The following HPS4 variants were observed in gnomAD, a reference collection of about 807,000 sequenced individuals.
The protein encoded by HPS4 is BLOC-3 complex member HPS4.
Under a neutral mutation model 70.3 loss-of-function variants are expected in HPS4, and 44 were observed. That is an observed-to-expected ratio of 0.63 (90% CI 0.49 to 0.80). The LOEUF (loss-of-function observed/expected upper bound fraction) is 0.80. HPS4 is among the 30% of genes least tolerant of loss of function. HPS4 has a pLI of 0.00. For synonymous variants in HPS4, 377 were observed against 355.9 expected, an observed-to-expected ratio of 1.06 and a Z score of -0.67; for missense variants, 873 against 884.4, an observed-to-expected ratio of 0.99 and a Z score of 0.16.
Position 26,468,193 on chromosome 22 carries a change from G to A in HPS4, c.669+358C>T, listed in dbSNP as rs767463633. 91 of 265,226 alleles carry A rather than the reference G, an allele frequency of 3.4e-4. 1 individual carries two copies. Among genetic ancestry groups the A allele is most frequent in the Non-Finnish European group, 4.6e-4 (65 of 141,048 alleles). 16.4% of individuals were successfully genotyped at this position (265,226 alleles called of 1,614,324 possible). A position where few individuals can be genotyped will look rare whatever the true frequency, so the allele number is the denominator to read the frequency against. On this transcript the variant is annotated intron_variant, in intron 8 of 13. Coordinates refer to ENST00000398145, the MANE Select transcript of HPS4 (RefSeq NM_022081.6). ...GCTGGGATTACAGGTGTGAACCACC[G>A]TGCCCAACCCCCTAAATCTTTCTAA...
At chr22:26,479,526 C>T in intron 2 of HPS4, 171 bp from the exon 3 acceptor site, 1 of 1,430,708 alleles carries the variant, frequency 7.0e-7, no homozygotes, top group East Asian at 2.5e-5. Context: ...TAAAACCATT[C>T]TGTAAGCGCA....
chr22:26,479,048 C>T (rs1041624149), intron 3 of HPS4, among the ~76,000 whole-genome samples: 3 of 152,168 alleles, frequency 2.0e-5, no homozygotes, highest in Non-Finnish European at 4.4e-5. Context: ...AGACAAAAAT[C>T]ATGATGGAAA....
rs550753111 is a variant in HPS4, at chr22:26,453,036, C to A, written c.*197G>T. 2.6e-5 allele frequency: 16 copies of A among 611,674 alleles called. No individual in the cohort carries two copies. The Middle Eastern group carries it at 1.3e-3, about 51-fold the overall frequency. 37.9% of individuals were successfully genotyped at this position (611,674 alleles called of 1,614,324 possible). A position where few individuals can be genotyped will look rare whatever the true frequency, so the allele number is the denominator to read the frequency against. ...CAGTTCTTTATCAAGTGCTCTGGGT[C>A]TGCCGACCTGAAGAACTAACCCCTG... is the stretch of plus-strand genomic sequence containing the variant. On this transcript the variant is annotated 3_prime_UTR_variant, in exon 14 of 14. Transcript: ENST00000398145.
At chr22:26,458,326 C>T (rs548215677) in intron 12 of HPS4, 119 bp downstream of exon 12, 29 of 1,291,006 alleles carry the variant, frequency 2.2e-5, no homozygotes, top group South Asian at 1.4e-4. Flanking sequence ...GAGCCCTGAA[C>T]GCAGGTCAGA....
Position 26,481,913 on chromosome 22 carries a change from T to G in HPS4, c.-151A>C. ...TTTTCAGTCACAACTGCCACTTGGT[T>G]AGTTTTCACTCAGCATGGAAAGTTC... On this transcript the variant is annotated 5_prime_UTR_variant, in exon 2 of 14. It removes the in-frame stop codon of an upstream open reading frame in the 5' UTR. Coordinates refer to ENST00000398145, the MANE Select transcript of HPS4 (RefSeq NM_022081.6). 1 of 748,360 alleles carries G rather than the reference T, an allele frequency of 1.3e-6. No homozygotes were observed. The highest frequency in any genetic ancestry group is 1.5e-5 in the South Asian group (1 of 68,384). 46.4% of individuals were successfully genotyped at this position (748,360 alleles called of 1,614,324 possible). A position where few individuals can be genotyped will look rare whatever the true frequency, so the allele number is the denominator to read the frequency against.
chr22:26,447,760 C>T (rs982946189), downstream of HPS4, among the ~76,000 whole-genome samples: 1 of 152,052 alleles, frequency 6.6e-6, no homozygotes, highest in Non-Finnish European at 1.5e-5. Flanking sequence ...CAGATTGCAG[C>T]ATTAGGAGGC....
intron 6 of HPS4, chr22:26,471,068 T>C (rs1440215475): frequency 1.3e-5 from 8 of 614,260 alleles, no homozygotes; most frequent in Non-Finnish European, 2.3e-5. Context: ...GTGCAGCAAA[T>C]ATGGCATATG....
intron 4 of HPS4, 27 bp downstream of exon 4, chr22:26,476,966 C>T: frequency 1.2e-6 from 2 of 1,612,168 alleles, no homozygotes; most frequent in Non-Finnish European, 1.7e-6. Context: ...TGCAACACTT[C>T]AGCACTGATT....
chr22:26,458,543 T>C lies in HPS4; in HGVS notation c.1748A>G (p.Glu583Gly). The C allele has an allele frequency of 6.2e-7, 1 of 1,614,168 alleles. No homozygotes were observed. Residue 583 changes from glutamate to glycine, a missense_variant, in exon 12 of 14, where the codon GAA becomes GGA. Glu to Gly is a moderately conservative substitution (Grantham distance 98, BLOSUM62 -2). Coordinates refer to ENST00000398145, the MANE Select transcript of HPS4 (RefSeq NM_022081.6). ...HSSLASLNGL[E>G]VHLKETLPRD... ...GGGCAGCGTCTCTTTCAGGTGGACTTCCAGCCCATTCAGTGAAGCCAGGCT... is the reference window on the plus strand; with the variant it reads ...GGGCAGCGTCTCTTTCAGGTGGACTCCCAGCCCATTCAGTGAAGCCAGGCT...
At chr22:26,447,474 TGTGA>T (rs544524592), downstream of HPS4, among the ~76,000 whole-genome samples, 117 of 152,320 alleles carry the variant, frequency 7.7e-4, no homozygotes, top group African/African-American at 2.5e-3. Flanking sequence ...TAATCCACTC[TGTGA>T]GTGTCAAGTG....
In HPS4 at chr22:26,464,148, A is replaced by G. The variant is rs752092814; in HGVS notation, c.1482T>C (p.Val494=). Residue 494 remains valine, a synonymous_variant, in exon 11 of 14, where the codon GTT becomes GTC. Coordinates refer to ENST00000398145, the MANE Select transcript of HPS4 (RefSeq NM_022081.6). Reference sequence around the variant, plus strand: ...CTGCGTGGCTTTCACAGACCCCATCAACATCCTCATCCAGGCCTTGTTCCC... The same window carrying G: ...CTGCGTGGCTTTCACAGACCCCATCGACATCCTCATCCAGGCCTTGTTCCC... ...PTGEQGLDED[V]DGVCESHAAP... 1.2e-6 allele frequency: 2 copies of G among 1,614,256 alleles called. No individual in the cohort carries two copies. The highest frequency in any genetic ancestry group is 1.3e-5 in the African/African-American group (1 of 75,068).
Position 26,453,100 on chromosome 22 carries a change from A to G in HPS4, c.*133T>C. ...TCCCAATCTGCAAAAGGAATAACAA[A>G]AACTCAAATATCATTTGGTTCCTAA... is the stretch of plus-strand genomic sequence containing the variant. On this transcript the variant is annotated 3_prime_UTR_variant, in exon 14 of 14. Coordinates refer to ENST00000398145, the MANE Select transcript of HPS4 (RefSeq NM_022081.6). 9.7e-7 allele frequency: 1 copy of G among 1,027,056 alleles called. No homozygotes were observed. Among genetic ancestry groups the G allele is most frequent in the South Asian group, 1.4e-5 (1 of 69,502 alleles). The allele number at this position is 1,027,056 out of a possible 1,614,324, so 63.6% of individuals were successfully genotyped here.
At position 26,452,433 on chromosome 22, in the gene HPS4, T is replaced by C. The variant is rs546286332; in HGVS notation, c.*800A>G. On this transcript the variant is annotated 3_prime_UTR_variant, in exon 14 of 14. Coordinates refer to ENST00000398145, the MANE Select transcript of HPS4 (RefSeq NM_022081.6). ...AGCACAGTGCTTTTACCCCCAGACA[T>C]CTTGTAAACTCCTATTTAGGGACAC... 65 of 449,420 alleles carry C rather than the reference T, an allele frequency of 1.4e-4. 3 individuals are homozygous for C. Among genetic ancestry groups the C allele is most frequent in the South Asian group, 9.8e-4 (62 of 63,130 alleles). 27.8% of individuals were successfully genotyped at this position (449,420 alleles called of 1,614,324 possible). A position where few individuals can be genotyped will look rare whatever the true frequency, so the allele number is the denominator to read the frequency against.
intron 7 of HPS4, 124 bp downstream of exon 7, chr22:26,470,595 T>G (rs1004856863): frequency 8.0e-6 from 7 of 872,370 alleles, no homozygotes; most frequent in Non-Finnish European, 1.3e-5. Context: ...TACCTGATAT[T>G]TGCCGAACCA....
At chr22:26,446,188 T>C (rs530316668), downstream of HPS4, among the ~76,000 whole-genome samples, 1 of 152,102 alleles carries the variant, frequency 6.6e-6, no homozygotes, top group African/African-American at 2.4e-5. Context: ...CGAGACAGGC[T>C]GGACTGGCCT....
rs752284378 is a variant in HPS4, at chr22:26,472,435, C to T, written c.385-17G>A. 4 of 1,469,284 alleles carry T rather than the reference C, an allele frequency of 2.7e-6. No homozygotes were observed. Among genetic ancestry groups the T allele is most frequent in the East Asian group, 2.3e-5 (1 of 44,168 alleles). 91.0% of individuals were successfully genotyped at this position (1,469,284 alleles called of 1,614,324 possible). A position where few individuals can be genotyped will look rare whatever the true frequency, so the allele number is the denominator to read the frequency against. On this transcript the variant is annotated splice_polypyrimidine_tract_variant and intron_variant, in intron 5 of 13. Transcript: ENST00000398145. The stretch of plus-strand genomic sequence containing the variant: ...AGAACAGTTCTAAAACAGAAAGAGC[C>T]TCAGGTCAATATCTGAGATTTTGAG...
At position 26,451,129 on chromosome 22, in the gene HPS4, A is replaced by C. The variant is rs1463985325; in HGVS notation, c.*2104T>G. 2.0e-5 allele frequency among the ~76,000 whole-genome samples: 3 copies of C among 152,172 alleles called. No individual in the cohort carries two copies. In the South Asian group the frequency reaches 6.2e-4, roughly 31 times the overall value. ...CCAGGGTGGGCAGGCTGTCCTGCACACTGCCTTCCCTTGGGAAACATGGCC... is the reference window on the plus strand; with the variant it reads ...CCAGGGTGGGCAGGCTGTCCTGCACCCTGCCTTCCCTTGGGAAACATGGCC... On this transcript the variant is annotated 3_prime_UTR_variant, in exon 14 of 14. Coordinates refer to ENST00000398145, the MANE Select transcript of HPS4 (RefSeq NM_022081.6).
Position 26,464,199 on chromosome 22 carries a change from T to A in HPS4, c.1431A>T (p.Gly477=). ...RPLLLPRLDP[G]QRGNKLPTGE... ...CCGTGGGAAGCTTGTTTCCTCTCTGTCCTGGATCTAAGCGAGGCAATAACA... is the reference window on the plus strand; with the variant it reads ...CCGTGGGAAGCTTGTTTCCTCTCTGACCTGGATCTAAGCGAGGCAATAACA... The change falls in exon 11 of 14, where the codon GGA becomes GGT. Residue 477 remains glycine (G), a synonymous_variant. Transcript: ENST00000398145. 6.2e-7 allele frequency: 1 copy of A among 1,614,204 alleles called. No individual in the cohort carries two copies. The highest frequency in any genetic ancestry group is 8.5e-7 in the Non-Finnish European group (1 of 1,180,042).
In HPS4 at chr22:26,464,175, C is replaced by T. The variant is rs756215705; in HGVS notation, c.1455G>A (p.Thr485=). Residue 485 remains threonine (T), a synonymous_variant, in exon 11 of 14, where the codon ACG becomes ACA. Transcript: ENST00000398145. ...DPGQRGNKLP[T]GEQGLDEDVD... ...CATCCTCATCCAGGCCTTGTTCCCC[C>T]GTGGGAAGCTTGTTTCCTCTCTGTC... The T allele has an allele frequency of 1.1e-4, 177 of 1,614,220 alleles. No individual in the cohort carries two copies. Among genetic ancestry groups the T allele is most frequent in the Non-Finnish European group, 1.4e-4 (165 of 1,180,046 alleles).
Sources: gnomAD v4.1 joint callset for allele counts (sites outside exome capture counted in the v4.1 genomes callset) on GRCh38, gnomAD v4.1.1 for gene constraint, MANE v1.5 for transcripts, NCBI Gene and HGNC (gene_info 2026-07-23, HGNC 2026-07-21) for gene names.